VPS51: variants seen among roughly 807,000 people sequenced by gnomAD.
VPS51 encodes the protein vacuolar protein sorting-associated protein 51 homolog.
A neutral mutation model predicts 65.1 loss-of-function variants in VPS51; 55 were observed. The ratio of observed to expected loss-of-function variants is 0.84; its 90% confidence interval spans 0.68 to 1.06. The LOEUF (loss-of-function observed/expected upper bound fraction) is 1.06, where lower values mean the gene tolerates loss of function less well. Ranked by LOEUF, VPS51 falls within the 50% of genes least tolerant of loss-of-function variation. VPS51 has a pLI of 0.00. For missense variants in VPS51, 943 were observed against 1,101.6 expected (o/e 0.86, Z 2.04); for synonymous variants, 473 against 489.5 (o/e 0.97, Z 0.44).
At chr11:65,110,141 GC>G in intron 7 of VPS51, 1 of 631,218 alleles carries the variant, frequency 1.6e-6, no homozygotes, top group Non-Finnish European at 2.7e-6. Context: ...GCTGGGGAGT[GC>G]CTATGTCCAC....
intron 5 of VPS51, 155 bp from the exon 6 acceptor site, chr11:65,109,125 C>G: frequency 9.6e-7 from 1 of 1,042,632 alleles, no homozygotes; most frequent in Middle Eastern, 3.2e-4. Context: ...CTTTCTCTGC[C>G]CCCACTCAGG....
At chr11:65,099,264 G>C (rs980317416) in intron 2 of VPS51, among the ~76,000 whole-genome samples, 3 of 152,158 alleles carry the variant, frequency 2.0e-5, no homozygotes, top group Admixed American at 6.5e-5. Flanking sequence ...CAGGAAGGAG[G>C]GGGGTGGAAC....
chr11:65,108,815 T>C lies in VPS51; in HGVS notation c.1344T>C (p.Asn448=), dbSNP rs1947865443. Residue 448 remains asparagine, a synonymous_variant, in exon 5 of 10, where the codon AAT becomes AAC. Coordinates refer to ENST00000279281, the MANE Select transcript of VPS51 (RefSeq NM_013265.4). ...EGPGLAELLA[N]VASSILSHIK... ...CTGGCCTGGCCGAGTTGCTGGCCAA[T>C]GTGGCCAGCTCCATCCTGAGCCACA... 12 of 1,612,906 alleles carry C rather than the reference T, an allele frequency of 7.4e-6. No homozygotes were observed. Among genetic ancestry groups the C allele is most frequent in the South Asian group, 1.1e-5 (1 of 91,088 alleles).
At chr11:65,106,750 C>CAG (rs1554992908) in intron 2 of VPS51, among the ~76,000 whole-genome samples, 1 of 131,704 alleles carries the variant, frequency 7.6e-6, no homozygotes, top group Non-Finnish European at 1.6e-5. Flanking sequence ...GACTCAGTCT[C>CAG]AAAAAAAAAA....
Position 65,103,666 on chromosome 11 carries a change from A to C in VPS51, c.359-3915A>C, listed in dbSNP as rs570052596. Among the ~76,000 whole-genome samples, 3 of 152,120 alleles carry C rather than the reference A, an allele frequency of 2.0e-5. No homozygotes were observed. The South Asian group carries it at 6.2e-4, about 32-fold the overall frequency. On this transcript the variant is annotated intron_variant, in intron 2 of 9. Transcript: ENST00000279281. ...GTCTCCCCAAGTGGGGTAGATTCCC[A>C]GTGTTGCTTGGAGAACATTCCTACA...
At chr11:65,111,240 A>T in intron 9 of VPS51, 87 bp from the exon 10 acceptor site, 1 of 1,577,834 alleles carries the variant, frequency 6.3e-7, no homozygotes, top group Non-Finnish European at 8.6e-7. Context: ...CTTCCATCGT[A>T]TGTCTCCCGG....
Position 65,107,958 on chromosome 11 carries a change from G to T in VPS51, c.661G>T (p.Ala221Ser). 6.4e-7 allele frequency: 1 copy of T among 1,567,950 alleles called. No homozygotes were observed. Reference protein sequence around the residue: ...QQYQHLPSFRAIQDDCQVITA... With the variant: ...QQYQHLPSFRSIQDDCQVITA... Reference sequence around the variant, plus strand: ...GTACCAACACCTGCCCTCGTTCCGCGCCATCCAGGACGACTGCCAGGTCAT... The same window carrying T: ...GTACCAACACCTGCCCTCGTTCCGCTCCATCCAGGACGACTGCCAGGTCAT... Residue 221 changes from alanine to serine, a missense_variant, in exon 4 of 10, where the codon GCC becomes TCC. Around this residue, in one of 2 missense-constraint regions of VPS51, gnomAD observed 855 missense variants for 953.7 expected, o/e 0.90. Transcript: ENST00000279281. The surrounding 1 kb of genome is among the most constrained non-coding windows in gnomAD (Gnocchi z 4.0).
In VPS51 at chr11:65,097,022, C is replaced by T; in HGVS notation, c.253C>T (p.Gln85Ter). 6.2e-7 allele frequency: 1 copy of T among 1,613,870 alleles called. No individual in the cohort carries two copies. The highest frequency in any genetic ancestry group is 8.5e-7 in the Non-Finnish European group (1 of 1,180,018). Residue 85 changes from glutamine to a stop codon, truncating the protein, a stop_gained, in exon 2 of 10, where the codon CAG becomes TAG. Transcript: ENST00000279281. LOFTEE classifies it high-confidence loss of function. ...GCTGCGTAGAGAGTGCCCTCTGGCC[C>T]AGTTGATGGACAGTGAGACGGACAT... is the stretch of plus-strand genomic sequence containing the variant. Reference protein sequence around the residue: ...DKLRRECPLAQLMDSETDMVR... With the variant: ...DKLRRECPLA
chr11:65,110,066 C>A, intron 7 of VPS51, 143 bp downstream of exon 7: 1 of 949,396 alleles, frequency 1.1e-6, no homozygotes, highest in Non-Finnish European at 1.5e-6. Flanking sequence ...GGGGCCAGTT[C>A]TGTAGCCAGG....
At chr11:65,103,005 T>G (rs555189305) in intron 2 of VPS51, among the ~76,000 whole-genome samples, 1 of 152,248 alleles carries the variant, frequency 6.6e-6, no homozygotes, top group East Asian at 1.9e-4. Context: ...AATTAAAAAA[T>G]TAGCCGGGTG....
chr11:65,102,107 T>C (rs1371760621), intron 2 of VPS51, among the ~76,000 whole-genome samples: 1 of 140,908 alleles, frequency 7.1e-6, no homozygotes, highest in African/African-American at 2.7e-5. Flanking sequence ...AACCTCCGCC[T>C]CCGGGGTTCA....
rs1422535406 is a variant in VPS51 at position 65,107,689 on chromosome 11, C to T, written c.467C>T (p.Thr156Met). 3 of 1,609,990 alleles carry T rather than the reference C, an allele frequency of 1.9e-6. No individual in the cohort carries two copies. The highest frequency in any genetic ancestry group is 1.7e-6 in the Non-Finnish European group (2 of 1,177,540). The change falls in exon 3 of 10, where the codon ACG becomes ATG. Residue 156 changes from threonine (T) to methionine (M), a missense_variant. Physicochemically the swap from Thr to Met is moderately conservative, Grantham distance 81. Around this residue, in one of 2 missense-constraint regions of VPS51, gnomAD observed 855 missense variants for 953.7 expected, o/e 0.90. Transcript: ENST00000279281. The surrounding 1 kb of genome is among the most constrained non-coding windows in gnomAD (Gnocchi z 4.0). ...ITDFSARISA[T>M]LQDRHERITK... Reference sequence around the variant, plus strand: ...GACTTCAGCGCTCGCATCAGCGCCACGCTGCAGGACCGCCACGAGCGCATC... The same window carrying T: ...GACTTCAGCGCTCGCATCAGCGCCATGCTGCAGGACCGCCACGAGCGCATC...
Position 65,111,836 on chromosome 11 carries a change from G to A in VPS51, c.*249G>A. ...CTGGGCCCAGCATGGGCAGGGGGCG[G>A]TTCCACTTAAAAACCCTGGGACGAG... On this transcript the variant is annotated 3_prime_UTR_variant, in exon 10 of 10. Coordinates refer to ENST00000279281, the MANE Select transcript of VPS51 (RefSeq NM_013265.4). 6 of 945,898 alleles carry A rather than the reference G, an allele frequency of 6.3e-6. No individual in the cohort carries two copies. The East Asian group carries it at 1.6e-4, about 25-fold the overall frequency. 58.6% of individuals were successfully genotyped at this position (945,898 alleles called of 1,614,324 possible).
rs776461996 is a variant in VPS51, at chr11:65,108,455, C to T, written c.984C>T (p.Ala328=). ...CGGCCTACCAGGAGCTGTTTGCGGC[C>T]CAGGGCCCAGCAGGTGCCGAGAAGC... is the stretch of plus-strand genomic sequence containing the variant. ...VAAAYQELFA[A]QGPAGAEKLA... Residue 328 remains alanine (A), a synonymous_variant, in exon 5 of 10, where the codon GCC becomes GCT. Transcript: ENST00000279281. The T allele has an allele frequency of 1.9e-6, 3 of 1,610,788 alleles. No individual in the cohort carries two copies. The highest frequency in any genetic ancestry group is 1.7e-6 in the Non-Finnish European group (2 of 1,179,438).
chr11:65,102,733 G>A (rs901557028), intron 2 of VPS51, among the ~76,000 whole-genome samples: 1 of 152,180 alleles, frequency 6.6e-6, no homozygotes, highest in African/African-American at 2.4e-5. Context: ...GTCTCCCTTA[G>A]ATCAGTAGCC....
At position 65,098,619 on chromosome 11, in the gene VPS51, G is replaced by T. The variant is rs544410348; in HGVS notation, c.358+1492G>T. On this transcript the variant is annotated intron_variant, in intron 2 of 9. Coordinates refer to ENST00000279281, the MANE Select transcript of VPS51 (RefSeq NM_013265.4). ...GATGTCTTACTCTCGTGTCACAGTG[G>T]TGGGTGTGGTAACCTATACACATTG... Among the ~76,000 whole-genome samples the T allele has an allele frequency of 2.0e-5, 3 of 152,306 alleles. No homozygotes were observed. In the East Asian group the frequency reaches 5.8e-4, roughly 29 times the overall value.
chr11:65,096,226 A>G lies in VPS51; in HGVS notation c.-25A>G. On this transcript the variant is annotated 5_prime_UTR_variant, in exon 1 of 10. Transcript: ENST00000279281. ...CCCCGTCCCCTTCCTTTCCAGCCTC[A>G]CGCCCGTGGGCTGCAGTTGGAACGA... The G allele has an allele frequency of 1.3e-6, 2 of 1,523,810 alleles. No individual in the cohort carries two copies. The highest frequency in any genetic ancestry group is 1.4e-5 in the African/African-American group (1 of 71,556). The allele number at this position is 1,523,810 out of a possible 1,614,324, so 94.4% of individuals were successfully genotyped here. A position where few individuals can be genotyped will look rare whatever the true frequency, so the allele number is the denominator to read the frequency against.
rs1462790686 is a variant in VPS51, at chr11:65,107,171, G to A, written c.359-410G>A. On this transcript the variant is annotated intron_variant, in intron 2 of 9. Coordinates refer to ENST00000279281, the MANE Select transcript of VPS51 (RefSeq NM_013265.4). This position sits in a 1 kb window ranked among gnomAD's most constrained non-coding sequence, Gnocchi z 4.0. ...AAAGGAGATGAGGGTCAACAAGAAT[G>A]TATTGCCTCATCCAGGCAGTGCGCT... 3 of 467,116 alleles carry A rather than the reference G, an allele frequency of 6.4e-6. No individual in the cohort carries two copies. Among genetic ancestry groups the A allele is most frequent in the East Asian group, 1.3e-4 (2 of 14,948 alleles). The allele number at this position is 467,116 out of a possible 1,614,324, so 28.9% of individuals were successfully genotyped here. A position where few individuals can be genotyped will look rare whatever the true frequency, so the allele number is the denominator to read the frequency against.
Position 65,097,039 on chromosome 11 carries a change from G to A in VPS51, c.270G>A (p.Glu90=). 6.2e-7 allele frequency: 1 copy of A among 1,613,996 alleles called. No homozygotes were observed. Residue 90 remains glutamate, a synonymous_variant, in exon 2 of 10, where the codon GAG becomes GAA. Transcript: ENST00000279281. ...CTCTGGCCCAGTTGATGGACAGTGA[G>A]ACGGACATGGTGCGGCAGATCCGGG... The part of the protein sequence containing the change: ...ECPLAQLMDS[E]TDMVRQIRAL...
Sources: gnomAD v4.1 joint callset for allele counts (sites outside exome capture counted in the v4.1 genomes callset) on GRCh38, gnomAD v4.1.1 for gene constraint, gnomAD v4.1.1 regional missense constraint, Gnocchi (gnomAD v3.1) non-coding constraint, MANE v1.5 for transcripts, NCBI Gene and HGNC (gene_info 2026-07-23, HGNC 2026-07-21) for gene names.